Variants in DMD observed in about 807,000 individuals in gnomAD.
DMD encodes dystrophin.
A neutral mutation model predicts 330.1 loss-of-function variants in DMD; 63 were observed. The ratio of observed to expected loss-of-function variants is 0.19; its 90% confidence interval spans 0.16 to 0.24. DMD has a LOEUF of 0.24. Among genes scored for constraint, DMD ranks in the 10% least tolerant of loss-of-function variants. DMD has a pLI of 1.00. For missense variants in DMD, 3,344 were observed against 2,684.1 expected, an observed-to-expected ratio of 1.25 and a Z score of -5.43; for synonymous variants, 1,223 against 959.8, an observed-to-expected ratio of 1.27 and a Z score of -5.07.
chrX:31,768,100 T>G (rs2090114388), intron 51 of DMD, among the ~76,000 whole-genome samples: 1 of 111,723 alleles, frequency 9.0e-6, no homozygotes, highest in South Asian at 3.7e-4. Flanking sequence ...ACTCAATTCT[T>G]TATTCAATAC....
chrX:33,324,215 A>G (rs2054056165), intron 1 of DMD, among the ~76,000 whole-genome samples: 1 of 111,155 alleles, frequency 9.0e-6, no homozygotes, highest in Non-Finnish European at 1.9e-5. Context: ...ACAGCAAAGA[A>G]GTGAGTGAGA....
At chrX:32,999,510 A>G (rs138237873) in intron 2 of DMD, among the ~76,000 whole-genome samples, 53 of 111,629 alleles carry the variant, frequency 4.7e-4, no homozygotes, top group African/African-American at 1.7e-3. Flanking sequence ...TTAAACATTG[A>G]TGACCAACGC....
intron 1 of DMD, among the ~76,000 whole-genome samples, chrX:33,022,190 GT>G (rs2093926693): frequency 9.0e-6 from 1 of 111,408 alleles, no homozygotes; most frequent in African/African-American, 3.3e-5. Context: ...ACATTCAGAT[GT>G]CTTTGAAACA....
chrX:33,123,127 T>C (rs1419796521), intron 1 of DMD, among the ~76,000 whole-genome samples: 1 of 112,130 alleles, frequency 8.9e-6, no homozygotes, highest in Non-Finnish European at 1.9e-5. Flanking sequence ...TCACATGCTG[T>C]ACAGGTTTGT....
At chrX:33,028,985 T>C (rs886367856) in intron 1 of DMD, among the ~76,000 whole-genome samples, 2 of 111,796 alleles carry the variant, frequency 1.8e-5, no homozygotes, top group African/African-American at 6.5e-5. Flanking sequence ...TTATTATGTC[T>C]TTGCAACTCC....
intron 51 of DMD, among the ~76,000 whole-genome samples, chrX:31,749,633 A>T (rs1404584558): frequency 9.2e-6 from 1 of 109,085 alleles, no homozygotes; most frequent in Admixed American, 9.9e-5. Context: ...TAGCAGCATG[A>T]TTTATAGTCC....
Position 32,765,364 on chromosome X carries a change from T to TCCA in DMD, c.649+44126_649+44128dup, listed in dbSNP as rs767121284. 3.6e-4 allele frequency among the ~76,000 whole-genome samples: 40 copies of TCCA among 110,317 alleles called. 1 individual carries two copies. The highest frequency in any genetic ancestry group is 9.3e-3 in the Middle Eastern group (2 of 215). On this transcript the variant is annotated intron_variant, in intron 7 of 78. Coordinates refer to ENST00000357033, the MANE Select transcript of DMD (RefSeq NM_004006.3). ...CGTTTAAAAGTGTATGACATCTCCC[T>TCCA]CCACCCCTCTTGCTCCTGTTCTGAC...
chrX:33,258,050 T>C lies in DMD; in HGVS notation c.7+81209A>G, dbSNP rs2052887318. On this transcript the variant is annotated intron_variant, in intron 1 of 17. Transcript: ENST00000288447. Reference sequence around the variant, plus strand: ...GAGGAAAAATTTCCATTGTTTCCTATCGTTATTAGACTGTTGGGTCCTACT... The same window carrying C: ...GAGGAAAAATTTCCATTGTTTCCTACCGTTATTAGACTGTTGGGTCCTACT... 3.6e-5 allele frequency among the ~76,000 whole-genome samples: 4 copies of C among 111,659 alleles called. No homozygotes were observed. In the Admixed American group the frequency reaches 3.8e-4, roughly 11 times the overall value.
Position 32,895,644 on chromosome X carries a change from G to C in DMD, c.94-45824C>G, listed in dbSNP as rs757002327. 1.6e-3 allele frequency among the ~76,000 whole-genome samples: 179 copies of C among 111,717 alleles called. 2 individuals are homozygous for C. Among genetic ancestry groups the C allele is most frequent in the African/African-American group, 5.5e-3 (168 of 30,734 alleles). On this transcript the variant is annotated intron_variant, in intron 2 of 78. Transcript: ENST00000357033. ...AATGGGACATAGTTTTCAACAGAGA[G>C]GAATAATCCAGGTGTATATAAGGCA...
At chrX:32,793,398 C>A (rs1366929226) in intron 7 of DMD, among the ~76,000 whole-genome samples, 2 of 108,731 alleles carry the variant, frequency 1.8e-5, no homozygotes, top group South Asian at 3.9e-4. Context: ...AAAAAACAAA[C>A]CAAACCCAGA....
chrX:32,093,615 C>A (rs2096488936), intron 44 of DMD, among the ~76,000 whole-genome samples: 1 of 111,480 alleles, frequency 9.0e-6, no homozygotes, highest in African/African-American at 3.3e-5. Flanking sequence ...ATACTGAAAT[C>A]TTTGGGATGT....
At chrX:32,347,267 C>A (rs1475850314) in intron 38 of DMD, among the ~76,000 whole-genome samples, 7 of 111,581 alleles carry the variant, frequency 6.3e-5, no homozygotes, top group Non-Finnish European at 1.3e-4. Context: ...AAGTCTGTAG[C>A]ATTTTCTAGG....
intron 27 of DMD, among the ~76,000 whole-genome samples, chrX:32,445,339 G>A (rs1040656111): frequency 2.7e-5 from 3 of 110,210 alleles, no homozygotes; most frequent in Non-Finnish European, 5.7e-5. Flanking sequence ...GCAGTTGTGA[G>A]CAGCAAAAAA....
intron 44 of DMD, among the ~76,000 whole-genome samples, chrX:31,975,799 C>T (rs1039478220): frequency 1.8e-4 from 20 of 111,843 alleles, no homozygotes; most frequent in Admixed American, 7.6e-4. Flanking sequence ...AGCCATTTGG[C>T]GGGTAGAGGG....
At chrX:31,418,535 C>T (rs1174918728) in intron 60 of DMD, among the ~76,000 whole-genome samples, 2 of 111,818 alleles carry the variant, frequency 1.8e-5, no homozygotes, top group African/African-American at 6.5e-5. Flanking sequence ...AATTTCTTTG[C>T]CTTCTCCCCT....
intron 76 of DMD, 22 bp from the exon 77 acceptor site, chrX:31,134,216 T>A: frequency 8.8e-7 from 1 of 1,142,658 alleles, no homozygotes; most frequent in East Asian, 3.0e-5. Flanking sequence ...CAAAAACAAA[T>A]AATGGAAAAT....
chrX:31,676,390 C>T (rs771098024), intron 53 of DMD, among the ~76,000 whole-genome samples: 4 of 111,934 alleles, frequency 3.6e-5, no homozygotes, highest in South Asian at 3.7e-4. Context: ...TAAACATTGT[C>T]GTTTCATTAA....
intron 2 of DMD, among the ~76,000 whole-genome samples, chrX:32,983,308 G>A (rs1023022325): frequency 9.0e-5 from 10 of 111,166 alleles, no homozygotes; most frequent in African/African-American, 3.3e-4. Flanking sequence ...ATCATTAAAA[G>A]CATCTTGCTT....
chrX:32,144,007 C>T (rs1179299237), intron 44 of DMD, among the ~76,000 whole-genome samples: 1 of 111,506 alleles, frequency 9.0e-6, no homozygotes, highest in Non-Finnish European at 1.9e-5. Context: ...TTAAGACTTG[C>T]CCATCTCCCA....
Sources: allele counts gnomAD v4.1 joint callset (sites outside exome capture counted in the v4.1 genomes callset), GRCh38; gene constraint gnomAD v4.1.1; transcripts MANE v1.5; gene names NCBI Gene and HGNC (gene_info 2026-07-23, HGNC 2026-07-21).